The following RGS6 variants were observed in gnomAD, a reference collection of about 807,000 sequenced individuals.
RGS6 encodes regulator of G protein signaling 6, also known as regulator of G-protein signaling 6.
A neutral mutation model predicts 78.5 loss-of-function variants in RGS6; 30 were observed. The observed-to-expected ratio is 0.38, with a 90% CI of 0.29 to 0.52. RGS6 has a LOEUF of 0.52. Ranked by LOEUF, RGS6 falls within the 20% of genes least tolerant of loss-of-function variation. The pLI, the probability that RGS6 is intolerant of heterozygous loss-of-function variation, is 0.85. For missense variants in RGS6, 495 were observed against 609.7 expected, an observed-to-expected ratio of 0.81 and a Z score of 1.98; for synonymous variants, 206 against 206.0, an observed-to-expected ratio of 1.00 and a Z score of 0.00.
chr14:72,546,802 G>A (rs193184990), intron 17 of RGS6, among the ~76,000 whole-genome samples: 13 of 152,298 alleles, frequency 8.5e-5, no homozygotes, highest in East Asian at 3.9e-4. Flanking sequence ...GATCCAAATC[G>A]CGTACCCTGC....
intron 2 of RGS6, among the ~76,000 whole-genome samples, chr14:71,977,659 A>G (rs1026296924): frequency 6.7e-6 from 1 of 149,964 alleles, no homozygotes; most frequent in African/African-American, 2.5e-5. Context: ...TGTTTTGGTT[A>G]CTGTAGCCTT....
chr14:72,056,154 T>C (rs549234652), intron 2 of RGS6, among the ~76,000 whole-genome samples: 8 of 152,172 alleles, frequency 5.3e-5, no homozygotes, highest in Non-Finnish European at 7.3e-5. Context: ...CTCATAATAA[T>C]CCTACAGTAT....
chr14:72,256,493 G>A (rs1158410700), intron 2 of RGS6, among the ~76,000 whole-genome samples: 2 of 152,202 alleles, frequency 1.3e-5, no homozygotes, highest in Non-Finnish European at 2.9e-5. Flanking sequence ...TTATAGAAAA[G>A]CAAGCTAGGG....
chr14:71,908,113 C>T, the RGS6 span: 2 of 152,308 alleles, frequency 1.3e-5, no homozygotes, highest in East Asian at 1.9e-4. Context: ...AACCCAGAGC[C>T]GATCCTCACA....
At chr14:71,870,848 T>G in the RGS6 span, among the ~76,000 whole-genome samples, 1 of 152,190 alleles carries the variant, frequency 6.6e-6, no homozygotes, top group African/African-American at 2.4e-5. Context: ...GAGGACTCAC[T>G]TGAAAAGTGA....
At chr14:72,456,111 A>G (rs1292007426) in intron 4 of RGS6, among the ~76,000 whole-genome samples, 1 of 152,128 alleles carries the variant, frequency 6.6e-6, no homozygotes, top group Non-Finnish European at 1.5e-5. Flanking sequence ...GCCCTTGGGA[A>G]GACATCATGG....
At chr14:72,319,471 T>C (rs1484863285) in intron 2 of RGS6, among the ~76,000 whole-genome samples, 5 of 151,812 alleles carry the variant, frequency 3.3e-5, no homozygotes, top group Admixed American at 2.6e-4. Context: ...TGCCTCAGCC[T>C]CCCAAGTAGC....
chr14:72,477,562 A>G (rs546175008), intron 11 of RGS6, among the ~76,000 whole-genome samples: 1 of 152,052 alleles, frequency 6.6e-6, no homozygotes, highest in Non-Finnish European at 1.5e-5. Context: ...TGTGAGGCTG[A>G]GGCAGGTGGA....
At chr14:72,023,945 C>T (rs11846932) in intron 2 of RGS6, among the ~76,000 whole-genome samples, 7,486 of 152,228 alleles carry the variant, frequency 0.049, 268 homozygotes, top group African/African-American at 0.097. Context: ...TCCTTGCTCT[C>T]GTTTCTGGGG....
At chr14:72,394,734 C>G (rs1462522136) in intron 3 of RGS6, among the ~76,000 whole-genome samples, 3 of 152,108 alleles carry the variant, frequency 2.0e-5, no homozygotes, top group African/African-American at 7.2e-5. Flanking sequence ...GCAGTTAACG[C>G]AATCATTACA....
At chr14:72,507,147 C>T (rs1287731486) in intron 13 of RGS6, among the ~76,000 whole-genome samples, 2 of 152,082 alleles carry the variant, frequency 1.3e-5, no homozygotes, top group African/African-American at 2.4e-5. Context: ...CCAGCCTGGA[C>T]AACAGAGTGA....
At chr14:72,435,049 C>G (rs1028509708) in intron 3 of RGS6, among the ~76,000 whole-genome samples, 4 of 152,190 alleles carry the variant, frequency 2.6e-5, no homozygotes, top group Non-Finnish European at 5.9e-5. Context: ...CTCTAAACTT[C>G]ACAGCTGGGC....
intron 2 of RGS6, among the ~76,000 whole-genome samples, chr14:72,238,704 A>G (rs1030857032): frequency 4.6e-5 from 7 of 152,304 alleles, no homozygotes; most frequent in African/African-American, 1.7e-4. Flanking sequence ...TTGATTGGCA[A>G]TCAGAGAAGT....
At chr14:72,373,858 A>G (rs1239904479) in intron 3 of RGS6, among the ~76,000 whole-genome samples, 1 of 152,170 alleles carries the variant, frequency 6.6e-6, no homozygotes, top group Non-Finnish European at 1.5e-5. Context: ...TTAATGATGA[A>G]AAAATGCAAG....
At chr14:72,297,619 A>G (rs1483425875) in intron 2 of RGS6, among the ~76,000 whole-genome samples, 2 of 114,722 alleles carry the variant, frequency 1.7e-5, no homozygotes, top group Admixed American at 2.5e-4. Context: ...ATTCCCCTTC[A>G]TGTGTCCAGG....
rs931972160 is a variant in RGS6, at chr14:72,474,615, T to A, written c.619-10T>A. On this transcript the variant is annotated splice_polypyrimidine_tract_variant and intron_variant, in intron 9 of 17. Coordinates refer to ENST00000553525, the MANE Select transcript of RGS6 (RefSeq NM_001204424.2). ...GTAGTAATTTATATGATGTGTTTTT[T>A]TTTTCTCAGCCAGGCTGTGTGAACA... The A allele has an allele frequency of 1.9e-6, 3 of 1,597,478 alleles. No homozygotes were observed. Among genetic ancestry groups the A allele is most frequent in the Non-Finnish European group, 2.6e-6 (3 of 1,175,064 alleles).
intron 2 of RGS6, among the ~76,000 whole-genome samples, chr14:72,045,633 T>C (rs2092772085): frequency 6.6e-6 from 1 of 151,952 alleles, no homozygotes; most frequent in Admixed American, 6.6e-5. Flanking sequence ...TAGGACTACA[T>C]ACCAGTTTCT....
At chr14:72,528,409 A>G (rs777530573) in intron 15 of RGS6, among the ~76,000 whole-genome samples, 2 of 152,160 alleles carry the variant, frequency 1.3e-5, no homozygotes, top group East Asian at 1.9e-4. Context: ...ACAGCCATCA[A>G]CCACTCCAGG....
chr14:72,008,022 G>A (rs1363956616), intron 2 of RGS6, among the ~76,000 whole-genome samples: 1 of 152,214 alleles, frequency 6.6e-6, no homozygotes, highest in Non-Finnish European at 1.5e-5. Context: ...AAGGATGCCT[G>A]AGAGGGCACA....
Sources: allele counts gnomAD v4.1 joint callset (sites outside exome capture counted in the v4.1 genomes callset), GRCh38; gene constraint gnomAD v4.1.1; transcripts MANE v1.5; gene names NCBI Gene and HGNC (gene_info 2026-07-23, HGNC 2026-07-21).